The following KRT33A variants were observed in gnomAD, a reference collection of about 807,000 sequenced individuals.
The protein encoded by KRT33A is keratin, type I cuticular Ha3-I.
A neutral mutation model predicts 41.1 loss-of-function variants in KRT33A; 44 were observed. The observed-to-expected ratio is 1.07, with a 90% confidence interval of 0.84 to 1.38. The LOEUF (loss-of-function observed/expected upper bound fraction) is 1.38, where lower values mean the gene tolerates loss of function less well. KRT33A is among the 40% of genes most tolerant of loss of function. The pLI is 0.00. For missense variants in KRT33A, 536 were observed against 518.5 expected, an observed-to-expected ratio of 1.03 and a Z score of -0.33; for synonymous variants, 229 against 227.8, an observed-to-expected ratio of 1.01 and a Z score of -0.05.
intron 2 of KRT33A, 23 bp downstream of exon 2, chr17:41,349,323 C>G (rs899338670): frequency 1.2e-6 from 2 of 1,611,854 alleles, no homozygotes; most frequent in Admixed American, 3.3e-5. Context: ...AAATAAACAG[C>G]AACACCCCGC....
chr17:41,349,256 G>T, intron 2 of KRT33A, 90 bp downstream of exon 2: 1 of 1,272,162 alleles, frequency 7.9e-7, no homozygotes, highest in Non-Finnish European at 1.1e-6. Flanking sequence ...CTCAGTCACT[G>T]TTTGTTTAAC....
intron 5 of KRT33A, 61 bp downstream of exon 5, chr17:41,346,783 A>G: frequency 1.2e-6 from 2 of 1,609,032 alleles, no homozygotes; most frequent in Non-Finnish European, 1.7e-6. Flanking sequence ...CCCCAAGGGC[A>G]TCCCCAAGAC....
chr17:41,349,356 A>G lies in KRT33A; in HGVS notation c.421T>C (p.Phe141Leu), dbSNP rs1337488110. ...CGCTTGCCCACTCACTTGGTCCTGAAGTCATCTGAGGCCAGCTTGGCATTG... is the reference window on the plus strand; with the variant it reads ...CGCTTGCCCACTCACTTGGTCCTGAGGTCATCTGAGGCCAGCTTGGCATTG... The part of the protein sequence containing the change: ...IDNAKLASDD[F>L]RTKYETELSL... Residue 141 changes from phenylalanine to leucine, a missense_variant, in exon 2 of 7, where the codon TTC becomes CTC. By Grantham distance (22) the Phe-to-Leu change is conservative. Transcript: ENST00000007735. 1 of 1,614,038 alleles carries G rather than the reference A, an allele frequency of 6.2e-7. No homozygotes were observed. Among genetic ancestry groups the G allele is most frequent in the Non-Finnish European group, 8.5e-7 (1 of 1,180,020 alleles).
chr17:41,346,723 A>C, intron 5 of KRT33A, 55 bp from the exon 6 acceptor site: 1 of 1,610,846 alleles, frequency 6.2e-7, no homozygotes, highest in South Asian at 1.1e-5. Context: ...AGGTTCCTCC[A>C]TGGGGTTCCA....
In KRT33A at chr17:41,347,146, T is replaced by A; in HGVS notation, c.665A>T (p.Asn222Ile). Residue 222 changes from asparagine (N) to isoleucine (I), a missense_variant, in exon 4 of 7, where the codon AAC (asparagine) becomes ATC (isoleucine). Physicochemically the swap from Asn to Ile is moderately radical, Grantham distance 149 (BLOSUM62 -3). Coordinates refer to ENST00000007735, the MANE Select transcript of KRT33A (RefSeq NM_004138.4). ...ACTCCTGGTCTCATTCAGGACCTGG[T>A]TCAGGTCCACAGTGGGAGCAGCGTC... ...EVDAAPTVDL[N>I]QVLNETRSQY... 1 of 1,614,194 alleles carries A rather than the reference T, an allele frequency of 6.2e-7. No individual in the cohort carries two copies. Among genetic ancestry groups the A allele is most frequent in the Non-Finnish European group, 8.5e-7 (1 of 1,180,034 alleles).
rs769827728 is a variant in KRT33A at position 41,347,104 on chromosome 17, A to C, written c.707T>G (p.Val236Gly). 6.2e-7 allele frequency: 1 copy of C among 1,614,090 alleles called. No homozygotes were observed. Among genetic ancestry groups the C allele is most frequent in the Non-Finnish European group, 8.5e-7 (1 of 1,180,000 alleles). Residue 236 changes from valine (V) to glycine (G), a missense_variant, in exon 4 of 7, where the codon GTG (valine) becomes GGG (glycine). Val to Gly is a moderately radical substitution (Grantham distance 109). Transcript: ENST00000007735. ...CTCCACTTCCCTGCGGTTGGTTTCC[A>C]CCAGGGCCTCATACTGACTCCTGGT... ...NETRSQYEAL[V>G]ETNRREVEQW...
In KRT33A at chr17:41,348,644, G is replaced by C. The variant is rs1181069399; in HGVS notation, c.432-5C>G. 2 of 1,614,016 alleles carry C rather than the reference G, an allele frequency of 1.2e-6. No individual in the cohort carries two copies. The highest frequency in any genetic ancestry group is 1.3e-5 in the African/African-American group (1 of 75,012). On this transcript the variant is annotated splice_region_variant and splice_polypyrimidine_tract_variant and intron_variant, in intron 2 of 6. Coordinates refer to ENST00000007735, the MANE Select transcript of KRT33A (RefSeq NM_004138.4). The stretch of plus-strand genomic sequence containing the variant: ...AGGGACAGCTCGGTCTCATATCTGT[G>C]ATCACAGGAGGGTCAGGAACAGGCT...
At chr17:41,346,715 G>T (rs1040983974) in intron 5 of KRT33A, 47 bp from the exon 6 acceptor site, 5 of 1,612,092 alleles carry the variant, frequency 3.1e-6, no homozygotes, top group Non-Finnish European at 4.2e-6. Context: ...TCCTTATAAG[G>T]TTCCTCCATG....
At position 41,346,095 on chromosome 17, in the gene KRT33A, C is replaced by A; in HGVS notation, c.*24G>T. The stretch of plus-strand genomic sequence containing the variant: ...GAGTTGAGGTGTGACTGATGCCTTT[C>A]TTCTCCTCCTGGTTGTGGGGCCTCT... On this transcript the variant is annotated 3_prime_UTR_variant, in exon 7 of 7. Transcript: ENST00000007735. 6.6e-7 allele frequency: 1 copy of A among 1,519,458 alleles called. No individual in the cohort carries two copies. Among genetic ancestry groups the A allele is most frequent in the Non-Finnish European group, 9.1e-7 (1 of 1,094,498 alleles). The allele number at this position is 1,519,458 out of a possible 1,614,324, so 94.1% of individuals were successfully genotyped here.
intron 6 of KRT33A, 94 bp downstream of exon 6, chr17:41,346,354 C>T: frequency 6.3e-7 from 1 of 1,590,880 alleles, no homozygotes; most frequent in South Asian, 1.1e-5. Context: ...CAAACAAAAG[C>T]TTGAAATTAT....
chr17:41,350,201 T>C (rs2017485180), intron 1 of KRT33A, among the ~76,000 whole-genome samples: 1 of 152,202 alleles, frequency 6.6e-6, no homozygotes. Flanking sequence ...TTACAGCTCA[T>C]TTATGCAAAG....
chr17:41,346,203 T>C lies in KRT33A; in HGVS notation c.1131A>G (p.Ala377=), dbSNP rs1407892444. 1 of 1,614,138 alleles carries C rather than the reference T, an allele frequency of 6.2e-7. No homozygotes were observed. Among genetic ancestry groups the C allele is most frequent in the Admixed American group, 1.7e-5 (1 of 60,026 alleles). The change falls in exon 7 of 7, where the codon GCA becomes GCG. Residue 377 remains alanine (A), a synonymous_variant. Transcript: ENST00000007735. The part of the protein sequence containing the change: ...LPSNPCATTN[A]CDKSTGPCIS... ...TACAGGGCCCAGTGGACTTGTCACA[T>C]GCATTGGTTGTGGCGCAGGGGTTGG...
intron 2 of KRT33A, 117 bp downstream of exon 2, chr17:41,349,229 A>G (rs2017468882): frequency 2.1e-6 from 2 of 965,112 alleles, no homozygotes; most frequent in Non-Finnish European, 3.2e-6. Context: ...ATCTTGGAGA[A>G]AGCAGCTAGA....
In KRT33A at chr17:41,350,728, T is replaced by A; in HGVS notation, c.40A>T (p.Thr14Ser). The change falls in exon 1 of 7, where the codon ACC becomes TCC. Residue 14 changes from threonine (T) to serine (S), a missense_variant. By Grantham distance (58) the Thr-to-Ser change is moderately conservative. Coordinates refer to ENST00000007735, the MANE Select transcript of KRT33A (RefSeq NM_004138.4). Reference protein sequence around the residue: ...SCGLPSLSCRTSCSSRPCVPP... With the variant: ...SCGLPSLSCRSSCSSRPCVPP... ...ACACAGGGCCGGGAGGAGCAGCTGG[T>A]GCGGCAGCTCAGGCTGGGCAGGCCA... 6.2e-7 allele frequency: 1 copy of A among 1,611,632 alleles called. No individual in the cohort carries two copies. The highest frequency in any genetic ancestry group is 1.1e-5 in the South Asian group (1 of 90,990).
chr17:41,350,360 A>T, intron 1 of KRT33A, 60 bp downstream of exon 1: 1 of 1,568,726 alleles, frequency 6.4e-7, no homozygotes, highest in Non-Finnish European at 8.7e-7. Flanking sequence ...TTTCTCAATC[A>T]CAACTCGGAT....
chr17:41,346,457 T>C lies in KRT33A; in HGVS notation c.1088A>G (p.Glu363Gly), dbSNP rs564873836. Residue 363 changes from glutamate (E) to glycine (G), a missense_variant, in exon 6 of 7, where the codon GAG becomes GGG. Glu to Gly is a moderately conservative substitution (Grantham distance 98). Coordinates refer to ENST00000007735, the MANE Select transcript of KRT33A (RefSeq NM_004138.4). Reference sequence around the variant, plus strand: ...CTACCCCCATACTGACTTGCAGTCCTCGCTCTCCAGCAGGCTCCGGTACGT... The same window carrying C: ...CTACCCCCATACTGACTTGCAGTCCCCGCTCTCCAGCAGGCTCCGGTACGT... Reference protein sequence around the residue: ...INTYRSLLESEDCKLPSNPCA... With the variant: ...INTYRSLLESGDCKLPSNPCA... The C allele has an allele frequency of 6.2e-7, 1 of 1,614,018 alleles. No homozygotes were observed. Among genetic ancestry groups the C allele is most frequent in the Admixed American group, 1.7e-5 (1 of 60,018 alleles).
chr17:41,350,672 G>A lies in KRT33A; in HGVS notation c.96C>T (p.Pro32=), dbSNP rs753310196. 2.2e-5 allele frequency: 35 copies of A among 1,611,982 alleles called. No homozygotes were observed. The highest frequency in any genetic ancestry group is 1.9e-4 in the Middle Eastern group (1 of 5,318). The change falls in exon 1 of 7, where the codon CCC becomes CCT. Residue 32 remains proline (P), a synonymous_variant. Transcript: ENST00000007735. Reference sequence around the variant, plus strand: ...CATTGGCGGGGATGTTGCAGGCCCCGGGCAGGGTGCAGCCGTGGCAGCTGG... The same window carrying A: ...CATTGGCGGGGATGTTGCAGGCCCCAGGCAGGGTGCAGCCGTGGCAGCTGG... ...VPPSCHGCTL[P]GACNIPANVS...
intron 2 of KRT33A, among the ~76,000 whole-genome samples, chr17:41,348,975 A>G (rs550379816): frequency 2.6e-4 from 39 of 152,300 alleles, no homozygotes; most frequent in African/African-American, 8.4e-4. Flanking sequence ...TCTCTAAAAA[A>G]AAGAAGAAAG....
chr17:41,346,559 C>T lies in KRT33A; in HGVS notation c.986G>A (p.Arg329His), dbSNP rs200078414. ...TNVESQLAEI[R>H]SDLERQNQEY... is the part of the protein sequence containing the mutation. The stretch of plus-strand genomic sequence containing the variant: ...CTGGTTCTGCCGCTCCAGGTCACTG[C>T]GGATCTCCGCCAGCTGGGACTCCAC... The change falls in exon 6 of 7, where the codon CGC becomes CAC. Residue 329 changes from arginine (R) to histidine (H), a missense_variant. By Grantham distance (29) the Arg-to-His change is conservative. Transcript: ENST00000007735. 9.3e-6 allele frequency: 15 copies of T among 1,614,104 alleles called. No individual in the cohort carries two copies. In the South Asian group the frequency reaches 9.9e-5, roughly 11 times the overall value.
Sources: allele counts gnomAD v4.1 joint callset (sites outside exome capture counted in the v4.1 genomes callset), GRCh38; gene constraint gnomAD v4.1.1; transcripts MANE v1.5; gene names NCBI Gene and HGNC (gene_info 2026-07-23, HGNC 2026-07-21).